Variants in ROBO2 observed in about 807,000 individuals in gnomAD.
The protein encoded by ROBO2 is roundabout guidance receptor 2.
A neutral mutation model predicts 160.8 loss-of-function variants in ROBO2; 53 were observed. The ratio of observed to expected loss-of-function variants is 0.33; its 90% CI spans 0.26 to 0.41. The LOEUF is 0.41. ROBO2 is among the 10% of genes least tolerant of loss of function. The pLI, the probability that ROBO2 is intolerant of heterozygous loss-of-function variation, is 1.00. For missense variants in ROBO2, 1,577 were observed against 1,722.4 expected, an observed-to-expected ratio of 0.92 and a Z score of 1.49; for synonymous variants, 664 against 611.7, an observed-to-expected ratio of 1.09 and a Z score of -1.26.
chr3:75,934,036 T>G (rs1458192582), intron 1 of ROBO2, among the ~76,000 whole-genome samples: 1 of 152,174 alleles, frequency 6.6e-6, no homozygotes, highest in Non-Finnish European at 1.5e-5. Flanking sequence ...TCCAAAACAC[T>G]TGCCTAATTA....
intron 2 of ROBO2, among the ~76,000 whole-genome samples, chr3:77,226,290 T>G (rs2086488167): frequency 6.6e-6 from 1 of 151,954 alleles, no homozygotes; most frequent in African/African-American, 2.4e-5. Flanking sequence ...CGTGAATATT[T>G]ATGTCCTTTT....
At chr3:76,390,212 A>T (rs2077081525) in intron 2 of ROBO2, among the ~76,000 whole-genome samples, 1 of 152,172 alleles carries the variant, frequency 6.6e-6, no homozygotes. Context: ...TAGTTGGTTT[A>T]GGAACATTTG....
At chr3:77,075,803 G>A (rs1459780498) in intron 1 of ROBO2, among the ~76,000 whole-genome samples, 3 of 146,808 alleles carry the variant, frequency 2.0e-5, no homozygotes, top group Admixed American at 1.4e-4. Context: ...TCAGCCTCCC[G>A]AGTAGTTGGG....
At chr3:77,300,252 A>G (rs1221241103) in intron 2 of ROBO2, among the ~76,000 whole-genome samples, 1 of 147,028 alleles carries the variant, frequency 6.8e-6, no homozygotes, top group East Asian at 2.0e-4. Flanking sequence ...ACCATTTGCT[A>G]TGCTGCCTCA....
chr3:77,087,392 A>G (rs2069468713), intron 1 of ROBO2, among the ~76,000 whole-genome samples: 1 of 152,164 alleles, frequency 6.6e-6, no homozygotes, highest in South Asian at 2.1e-4. Flanking sequence ...TTCCTGGAAT[A>G]GGGATTGTTT....
chr3:76,746,118 A>G (rs2093886876), intron 2 of ROBO2, among the ~76,000 whole-genome samples: 2 of 151,848 alleles, frequency 1.3e-5, no homozygotes, highest in Admixed American at 6.6e-5. Flanking sequence ...TTTACTGAGA[A>G]TGATGATTTC....
intron 2 of ROBO2, among the ~76,000 whole-genome samples, chr3:76,902,241 G>C (rs942054311): frequency 1.3e-5 from 2 of 151,732 alleles, no homozygotes; most frequent in Non-Finnish European, 2.9e-5. Context: ...AGCTTTGTTT[G>C]CATTATTCAG....
At chr3:75,998,162 G>T (rs190080138) in intron 2 of ROBO2, among the ~76,000 whole-genome samples, 2 of 152,106 alleles carry the variant, frequency 1.3e-5, no homozygotes, top group African/African-American at 4.8e-5. Flanking sequence ...TTCAATAAAT[G>T]CTATACGAGC....
chr3:76,314,592 T>G (rs2071850359), intron 2 of ROBO2, among the ~76,000 whole-genome samples: 1 of 152,170 alleles, frequency 6.6e-6, no homozygotes, highest in Non-Finnish European at 1.5e-5. Flanking sequence ...TTCTTTAACC[T>G]ACTTAATGTG....
chr3:76,082,419 G>A (rs2068866659), intron 2 of ROBO2, among the ~76,000 whole-genome samples: 1 of 151,992 alleles, frequency 6.6e-6, no homozygotes, highest in African/African-American at 2.4e-5. Flanking sequence ...TATAGGATGT[G>A]GAGTAGGAAA....
At chr3:75,974,847 C>T (rs577681177) in intron 2 of ROBO2, among the ~76,000 whole-genome samples, 17 of 151,416 alleles carry the variant, frequency 1.1e-4, no homozygotes, top group Middle Eastern at 6.8e-3. Context: ...TATATTTATT[C>T]GATGGCAATA....
At chr3:77,475,079 G>T (rs1183574295) in intron 2 of ROBO2, among the ~76,000 whole-genome samples, 1 of 151,750 alleles carries the variant, frequency 6.6e-6, no homozygotes, top group African/African-American at 2.4e-5. Flanking sequence ...GAGAGAGAGA[G>T]AGAGAAGAAA....
chr3:76,235,663 G>A (rs986041107), intron 2 of ROBO2, among the ~76,000 whole-genome samples: 8 of 152,100 alleles, frequency 5.3e-5, no homozygotes, highest in East Asian at 1.9e-4. Flanking sequence ...TTTGGAATAC[G>A]TGAACTTGTA....
At position 76,345,437 on chromosome 3, in the gene ROBO2, C is replaced by CT. The variant is rs1340341637; in HGVS notation, c.109+407838dup. Among the ~76,000 whole-genome samples the CT allele has an allele frequency of 9.1e-4, 80 of 87,846 alleles. 1 individual carries two copies. Among genetic ancestry groups the CT allele is most frequent in the Admixed American group, 1.3e-3 (10 of 7,862 alleles). 57.6% of individuals were successfully genotyped at this position (87,846 alleles called of 152,430 possible). ...GTAGGCAGGATATCTTTTTTCTTTT[C>CT]TTTCTTTTTTTTTTTTTTTTTTAAG... is the stretch of plus-strand genomic sequence containing the variant. On this transcript the variant is annotated intron_variant, in intron 2 of 26. Transcript: ENST00000487694.
chr3:76,514,577 A>G (rs1421379733), intron 2 of ROBO2, among the ~76,000 whole-genome samples: 2 of 152,204 alleles, frequency 1.3e-5, no homozygotes, highest in African/African-American at 4.8e-5. Flanking sequence ...TGTTGCCATT[A>G]TCCTTTTAAT....
At chr3:76,000,136 C>T (rs900290733) in intron 2 of ROBO2, among the ~76,000 whole-genome samples, 7 of 151,994 alleles carry the variant, frequency 4.6e-5, no homozygotes, top group Non-Finnish European at 7.4e-5. Flanking sequence ...CGTTTTGGGG[C>T]AGAGAGACCT....
intron 19 of ROBO2, among the ~76,000 whole-genome samples, chr3:77,599,452 A>G (rs1008803726): frequency 7.1e-6 from 1 of 141,266 alleles, no homozygotes; most frequent in Non-Finnish European, 1.5e-5. Flanking sequence ...AACAATGAGA[A>G]CACATGGACA....
At chr3:76,555,419 AAGAAGG>A (rs201917114) in intron 2 of ROBO2, among the ~76,000 whole-genome samples, 3,490 of 81,656 alleles carry the variant, frequency 0.043, 323 homozygotes, top group East Asian at 0.076. Flanking sequence ...AAGAAGAAGA[AAGAAGG>A]AGAAGGGGAA....
At chr3:76,996,080 T>G (rs2060985276) in intron 2 of ROBO2, among the ~76,000 whole-genome samples, 2 of 152,212 alleles carry the variant, frequency 1.3e-5, no homozygotes. Context: ...ATTTTATGGT[T>G]TTAGGTCTAA....
Sources: gnomAD v4.1 joint callset for allele counts (sites outside exome capture counted in the v4.1 genomes callset) on GRCh38, gnomAD v4.1.1 for gene constraint, MANE v1.5 for transcripts, NCBI Gene and HGNC (gene_info 2026-07-23, HGNC 2026-07-21) for gene names.